Variants in HMGB3 observed in about 807,000 individuals in gnomAD.
The protein encoded by HMGB3 is high mobility group box 3, also known as high mobility group protein B3.
In HMGB3, 1 loss-of-function variant was observed where a neutral mutation model predicts 12.9. The observed-to-expected ratio is 0.08, with a 90% CI of 0.03 to 0.37. The LOEUF (loss-of-function observed/expected upper bound fraction) is 0.37. Among genes scored for constraint, HMGB3 ranks in the 10% least tolerant of loss-of-function variants. The pLI is 0.99. For synonymous variants in HMGB3, 61 were observed against 53.9 expected (o/e 1.13, Z -0.57); for missense variants, 74 against 153.3 (o/e 0.48, Z 2.73).
At chrX:150,985,986 C>T (rs1557425228) in intron 2 of HMGB3, 65 bp from the exon 3 acceptor site, 1 of 1,131,183 alleles carries the variant, frequency 8.8e-7, no homozygotes, top group African/African-American at 1.8e-5. Context: ...CTAGTTTAAT[C>T]ACAAGAAACT....
chrX:150,984,327 G>GGCCC (rs1456144137), intron 1 of HMGB3, among the ~76,000 whole-genome samples: 3 of 96,154 alleles, frequency 3.1e-5, no homozygotes, highest in African/African-American at 1.1e-4. Flanking sequence ...CGGCCCGGGC[G>GGCCC]GGGCGGGGCG....
At chrX:150,984,077 C>T (rs1557425165) in intron 1 of HMGB3, among the ~76,000 whole-genome samples, 1 of 100,209 alleles carries the variant, frequency 1.0e-5, no homozygotes, top group Non-Finnish European at 2.1e-5. Flanking sequence ...ATGGCTGGCG[C>T]GGCGCTGGCC....
At chrX:150,984,521 G>C (rs2048030136) in intron 1 of HMGB3, 1 of 439,105 alleles carries the variant, frequency 2.3e-6, no homozygotes, top group Non-Finnish European at 2.8e-6. Flanking sequence ...CACCCCCCGC[G>C]CACCGCCACC....
At chrX:150,984,239 G>A (rs1261642274) in intron 1 of HMGB3, among the ~76,000 whole-genome samples, 1 of 94,726 alleles carries the variant, frequency 1.1e-5, no homozygotes, top group Non-Finnish European at 2.2e-5. Flanking sequence ...ATGGCTGCAC[G>A]GGCGCCTTTG....
chrX:150,980,915 C>A (rs1557425072), upstream of HMGB3, among the ~76,000 whole-genome samples: 8 of 112,847 alleles, frequency 7.1e-5, no homozygotes. Context: ...CACCAAGGTG[C>A]CTGCCAACTG....
chrX:150,987,840 C>A lies in HMGB3; in HGVS notation c.529C>A (p.Arg177=), dbSNP rs372194723. 4.2e-6 allele frequency: 5 copies of A among 1,199,670 alleles called. No individual in the cohort carries two copies. The highest frequency in any genetic ancestry group is 1.8e-5 in the African/African-American group (1 of 56,235). ...DGAKGPAKVA[R]KKVEEEDEEE... is the part of the protein sequence containing the mutation. ...TGCAAAGGGTCCTGCTAAAGTTGCC[C>A]GGAAAAAGGTGGAAGAGGAAGATGA... The change falls in exon 5 of 5, where the codon CGG becomes AGG. Residue 177 remains arginine (R), a synonymous_variant. Transcript: ENST00000325307.
intron 1 of HMGB3, chrX:150,983,682 C>T: frequency 3.5e-6 from 2 of 577,166 alleles, no homozygotes; most frequent in Non-Finnish European, 4.2e-6. Context: ...GCCCCAGGGG[C>T]CGCAGCCGGG....
chrX:150,985,599 G>A lies in HMGB3; in HGVS notation c.-1G>A. The A allele has an allele frequency of 8.5e-7, 1 of 1,180,014 alleles. No homozygotes were observed. Among genetic ancestry groups the A allele is most frequent in the Non-Finnish European group, 1.1e-6 (1 of 882,909 alleles). On this transcript the variant is annotated 5_prime_UTR_variant, in exon 2 of 5. Coordinates refer to ENST00000325307, the MANE Select transcript of HMGB3 (RefSeq NM_005342.4). ...TTTGTTTCTCTTTTATCACAGTCAG[G>A]ATGGCTAAAGGTGACCCCAAGAAAC...
chrX:150,987,007 ATTACT>A (rs1270008218), intron 3 of HMGB3, 116 bp from the exon 4 acceptor site: 4 of 509,494 alleles, frequency 7.9e-6, no homozygotes, highest in Admixed American at 7.0e-5. Context: ...GGTATCATAG[ATTACT>A]TCACTTTAGG....
chrX:150,987,367 G>A, intron 4 of HMGB3, 65 bp downstream of exon 4: 1 of 984,945 alleles, frequency 1.0e-6, no homozygotes, highest in South Asian at 2.4e-5. Context: ...TAGGTTGCAG[G>A]GCATGTGGCA....
intron 1 of HMGB3, among the ~76,000 whole-genome samples, chrX:150,984,827 CG>C (rs1223970618): frequency 8.9e-6 from 1 of 111,799 alleles, no homozygotes; most frequent in Non-Finnish European, 1.9e-5. Context: ...GAAAAGATGG[CG>C]GGAAGCTGGG....
upstream of HMGB3, chrX:150,980,618 G>A (rs782439989): frequency 6.0e-5 from 45 of 749,164 alleles, no homozygotes; most frequent in Non-Finnish European, 6.6e-5. Flanking sequence ...CTTCCTGCGC[G>A]TAAGCGCAAT....
rs1316563982 is a variant in HMGB3, at chrX:150,987,315, T to C, written c.465+13T>C. 1.7e-6 allele frequency: 2 copies of C among 1,187,530 alleles called. No homozygotes were observed. Among genetic ancestry groups the C allele is most frequent in the African/African-American group, 1.8e-5 (1 of 56,975 alleles). ...GAAGTATGAGAAGGTAAGGTGGGGC[T>C]GGAAGCCTGGACTGGTGAACAGGCA... On this transcript the variant is annotated intron_variant, in intron 4 of 4. Transcript: ENST00000325307.
intron 2 of HMGB3, 81 bp from the exon 3 acceptor site, chrX:150,985,970 C>A (rs1603339728): frequency 9.3e-7 from 1 of 1,070,354 alleles, no homozygotes. Flanking sequence ...GTGGTTCTAG[C>A]AACTGCTAGT....
chrX:150,982,331 AC>A (rs2047997608), upstream of HMGB3, among the ~76,000 whole-genome samples: 1 of 112,001 alleles, frequency 8.9e-6, no homozygotes, highest in Non-Finnish European at 1.9e-5. Flanking sequence ...CAGAAGTGAC[AC>A]TGCGGCTCCT....
chrX:150,984,608 C>G, intron 1 of HMGB3: 8 of 742,294 alleles, frequency 1.1e-5, no homozygotes, highest in Non-Finnish European at 1.3e-5. Context: ...CATCAGGAGG[C>G]TTTTGACAAA....
At chrX:150,984,505 GCCGCACACCCC>G (rs1235499477) in intron 1 of HMGB3, 2 of 244,482 alleles carry the variant, frequency 8.2e-6, no homozygotes, top group African/African-American at 3.0e-5. Context: ...CGCCGGCCCG[GCCGCACACCCC>G]CCGCGCACCG....
intron 4 of HMGB3, 25 bp from the exon 5 acceptor site, chrX:150,987,752 T>C: frequency 8.5e-7 from 1 of 1,175,956 alleles, no homozygotes; most frequent in Middle Eastern, 3.3e-4. Flanking sequence ...GCATACTCAT[T>C]TGAAATGTGT....
At position 150,987,848 on chromosome X, in the gene HMGB3, GGTGGAA is replaced by G; in HGVS notation, c.539_544del (p.Val180_Glu181del). 8.3e-7 allele frequency: 1 copy of G among 1,200,954 alleles called. No homozygotes were observed. The highest frequency in any genetic ancestry group is 1.8e-5 in the African/African-American group (1 of 56,869). On this transcript the variant is annotated inframe_deletion, in exon 5 of 5. Coordinates refer to ENST00000325307, the MANE Select transcript of HMGB3 (RefSeq NM_005342.4). ...GTCCTGCTAAAGTTGCCCGGAAAAAGGTGGAAGAGGAAGATGAAGAAGAGGAGGAGG... is the reference window on the plus strand; with the variant it reads ...GTCCTGCTAAAGTTGCCCGGAAAAAGGAGGAAGATGAAGAAGAGGAGGAGG...
Sources: gnomAD v4.1 joint callset for allele counts (sites outside exome capture counted in the v4.1 genomes callset) on GRCh38, gnomAD v4.1.1 for gene constraint, MANE v1.5 for transcripts, NCBI Gene and HGNC (gene_info 2026-07-23, HGNC 2026-07-21) for gene names.